KDM2B: variants seen among roughly 807,000 people sequenced by gnomAD.
The protein encoded by KDM2B is lysine-specific demethylase 2B.
A neutral mutation model predicts 150.0 loss-of-function variants in KDM2B; 26 were observed. The ratio of observed to expected loss-of-function variants is 0.17; its 90% CI spans 0.13 to 0.24. KDM2B has a LOEUF of 0.24. Ranked by LOEUF, KDM2B falls within the 10% of genes least tolerant of loss-of-function variation. The probability of loss-of-function intolerance (pLI) is 1.00; values close to 1 mark genes in which losing one functional copy is unlikely to be tolerated. For synonymous variants in KDM2B, 734 were observed against 729.5 expected, an observed-to-expected ratio of 1.01 and a Z score of -0.10; for missense variants, 1,265 against 1,816.9, an observed-to-expected ratio of 0.70 and a Z score of 5.52.
rs782524220 is a variant in KDM2B at position 121,429,994 on chromosome 12, T to G, written c.*294A>C. 4.6e-6 allele frequency: 4 copies of G among 865,354 alleles called. No homozygotes were observed. The highest frequency in any genetic ancestry group is 2.4e-5 in the East Asian group (1 of 41,382). The allele number at this position is 865,354 out of a possible 1,614,324, so 53.6% of individuals were successfully genotyped here. Reference sequence around the variant, plus strand: ...AAACTCCTAAGCTCATGCTTCAGTATGAGAATTTCTCCGAAGTCCACCCTC... The same window carrying G: ...AAACTCCTAAGCTCATGCTTCAGTAGGAGAATTTCTCCGAAGTCCACCCTC... On this transcript the variant is annotated 3_prime_UTR_variant, in exon 23 of 23. Transcript: ENST00000377071.
intron 17 of KDM2B, 47 bp from the exon 18 acceptor site, chr12:121,443,077 G>T: frequency 6.4e-7 from 1 of 1,574,136 alleles, no homozygotes; most frequent in South Asian, 1.1e-5. Context: ...CGGGCTCGTG[G>T]GATTTGGTCT....
At chr12:121,554,080 CACACAA>C (rs1462549054) in intron 4 of KDM2B, among the ~76,000 whole-genome samples, 5 of 146,776 alleles carry the variant, frequency 3.4e-5, no homozygotes, top group African/African-American at 1.3e-4. Context: ...CACACACACA[CACACAA>C]ATTGGCCAAG....
chr12:121,482,778 A>C (rs2140076556), intron 12 of KDM2B, among the ~76,000 whole-genome samples: 1 of 152,316 alleles, frequency 6.6e-6, no homozygotes, highest in Non-Finnish European at 1.5e-5. Flanking sequence ...CTCTGGGAAA[A>C]TCTTGCTATT....
intron 12 of KDM2B, among the ~76,000 whole-genome samples, chr12:121,477,243 T>G (rs1291232551): frequency 1.3e-5 from 2 of 151,910 alleles, no homozygotes; most frequent in Non-Finnish European, 2.9e-5. Context: ...GCTAATTTTT[T>G]TTATTTTTTG....
intron 10 of KDM2B, among the ~76,000 whole-genome samples, chr12:121,511,316 T>A (rs1293446588): frequency 1.4e-5 from 2 of 138,824 alleles, no homozygotes; most frequent in African/African-American, 5.6e-5. Flanking sequence ...AGACAGAGTC[T>A]CACTTTGTTG....
the KDM2B span, among the ~76,000 whole-genome samples, chr12:121,414,284 C>A: frequency 6.6e-6 from 1 of 152,212 alleles, no homozygotes; most frequent in South Asian, 2.1e-4. Context: ...TATCTAGATT[C>A]TAGAATATGC....
At chr12:121,493,699 A>G (rs1272705649) in intron 12 of KDM2B, 1 of 152,172 alleles carries the variant, frequency 6.6e-6, no homozygotes, top group Non-Finnish European at 1.5e-5. Flanking sequence ...AATGACAGTC[A>G]CAACTGTCTA....
rs1247466553 is a variant in KDM2B at position 121,520,931 on chromosome 12, C to T, written c.1047+54G>A. 69 of 1,373,536 alleles carry T rather than the reference C, an allele frequency of 5.0e-5. No homozygotes were observed. The highest frequency in any genetic ancestry group is 1.9e-4 in the Middle Eastern group (1 of 5,354). 85.1% of individuals were successfully genotyped at this position (1,373,536 alleles called of 1,614,324 possible). ...ATGACCTGTCCCACACACCGAGCAC[C>T]GGCAGAGCTCAGGGGCCAGGCGCGC... On this transcript the variant is annotated intron_variant, in intron 9 of 22. Coordinates refer to ENST00000377071, the MANE Select transcript of KDM2B (RefSeq NM_032590.5). This position sits in a 1 kb window ranked among gnomAD's most constrained non-coding sequence, Gnocchi z 4.5.
At chr12:121,465,025 G>A (rs546289195) in intron 12 of KDM2B, among the ~76,000 whole-genome samples, 13 of 152,180 alleles carry the variant, frequency 8.5e-5, no homozygotes, top group Middle Eastern at 3.4e-3. Flanking sequence ...TTGGGACTAC[G>A]AGACAAGCCT....
At position 121,467,394 on chromosome 12, in the gene KDM2B, G is replaced by A. The variant is rs1314711362; in HGVS notation, c.1735-14050C>T. ...CGCCCGCGCTGGAGGGGGCGGGGAG[G>A]GGCCGGCGGGGGAGGGCCGGGGCGC... is the stretch of plus-strand genomic sequence containing the variant. On this transcript the variant is annotated intron_variant, in intron 12 of 22. Transcript: ENST00000377071. This position sits in a 1 kb window ranked among gnomAD's most constrained non-coding sequence, Gnocchi z 5.1. 4.1e-6 allele frequency: 4 copies of A among 965,090 alleles called. No individual in the cohort carries two copies. In the East Asian group the frequency reaches 3.5e-4, roughly 84 times the overall value. 59.8% of individuals were successfully genotyped at this position (965,090 alleles called of 1,614,324 possible).
chr12:121,574,313 A>G, intron 4 of KDM2B: 1 of 456,264 alleles, frequency 2.2e-6, no homozygotes, highest in Non-Finnish European at 4.0e-6. Context: ...GGCAGCGTCC[A>G]AATGGGCCTC....
At chr12:121,446,087 G>A (rs1555290211) in intron 13 of KDM2B, among the ~76,000 whole-genome samples, 1 of 152,208 alleles carries the variant, frequency 6.6e-6, no homozygotes, top group Non-Finnish European at 1.5e-5. Flanking sequence ...GGTGACTCAT[G>A]CCATACGCTT....
intron 8 of KDM2B, among the ~76,000 whole-genome samples, chr12:121,524,433 G>T (rs1886954691): frequency 6.6e-6 from 1 of 152,216 alleles, no homozygotes; most frequent in Admixed American, 6.5e-5. Context: ...GGAACACAGA[G>T]GAGAGCTGCT....
chr12:121,425,112 C>A (rs1555284070), downstream of KDM2B, among the ~76,000 whole-genome samples: 1 of 151,974 alleles, frequency 6.6e-6, no homozygotes, highest in Non-Finnish European at 1.5e-5. Context: ...GAGTTCGAGA[C>A]CAGCCTGGTC....
chr12:121,542,282 T>C lies in KDM2B; in HGVS notation c.683+6595A>G, dbSNP rs1594089231. Among the ~76,000 whole-genome samples, 3 of 152,310 alleles carry C rather than the reference T, an allele frequency of 2.0e-5. No individual in the cohort carries two copies. In the East Asian group the frequency reaches 5.8e-4, roughly 29 times the overall value. On this transcript the variant is annotated intron_variant, in intron 6 of 22. Transcript: ENST00000377071. ...TCTTGGAAGCGGATCTTCCAGCCCATAGAGGCTTCAGCTGACTGCAGCCCA... is the reference window on the plus strand; with the variant it reads ...TCTTGGAAGCGGATCTTCCAGCCCACAGAGGCTTCAGCTGACTGCAGCCCA...
At chr12:121,551,445 G>A (rs974452753) in intron 4 of KDM2B, among the ~76,000 whole-genome samples, 11 of 150,894 alleles carry the variant, frequency 7.3e-5, no homozygotes, top group Non-Finnish European at 1.0e-4. Context: ...TCCCTGGCTC[G>A]AGGGATCCTC....
rs369593557 is a variant in KDM2B, at chr12:121,532,832, T to C, written c.905A>G (p.Gln302Arg). The change falls in exon 8 of 23, where the codon CAG becomes CGG. Residue 302 changes from glutamine to arginine, a missense_variant. Transcript: ENST00000377071. ...GGAAGGGATGAAAAATGTGTAGCCC[T>C]GCTTCAGCTCAATTCTTTGGCATCG... ...VERCQRIELK[Q>R]GYTFFIPSGW... 6.2e-7 allele frequency: 1 copy of C among 1,614,236 alleles called. No homozygotes were observed. Among genetic ancestry groups the C allele is most frequent in the Non-Finnish European group, 8.5e-7 (1 of 1,180,044 alleles).
At chr12:121,420,684 G>A in the KDM2B span, 5 of 1,614,136 alleles carry the variant, frequency 3.1e-6, no homozygotes, top group Non-Finnish European at 4.2e-6. Context: ...TTCTGGCTCG[G>A]AATTTTGTCA....
chr12:121,479,174 G>C (rs1688319969), intron 12 of KDM2B, among the ~76,000 whole-genome samples: 1 of 152,026 alleles, frequency 6.6e-6, no homozygotes, highest in Admixed American at 6.6e-5. Flanking sequence ...GCTTGGCCGG[G>C]CGCGGTGGCT....
Sources: gnomAD v4.1 joint callset for allele counts (sites outside exome capture counted in the v4.1 genomes callset) on GRCh38, gnomAD v4.1.1 for gene constraint, Gnocchi (gnomAD v3.1) non-coding constraint, MANE v1.5 for transcripts, NCBI Gene and HGNC (gene_info 2026-07-23, HGNC 2026-07-21) for gene names.